B4GALNT1: variants seen among roughly 807,000 people sequenced by gnomAD.
B4GALNT1 encodes beta-1,4 N-acetylgalactosaminyltransferase 1.
Under a neutral mutation model 55.2 loss-of-function variants are expected in B4GALNT1, and 43 were observed. The observed-to-expected ratio is 0.78, with a 90% CI of 0.61 to 1.00. The LOEUF is 1.00. Ranked by LOEUF, B4GALNT1 falls within the 50% of genes least tolerant of loss-of-function variation. B4GALNT1 has a pLI of 0.00. For missense variants in B4GALNT1, 664 were observed against 729.7 expected (o/e 0.91, Z 1.04); for synonymous variants, 305 against 311.6 (o/e 0.98, Z 0.22).
At chr12:57,629,209 T>A in intron 6 of B4GALNT1, 63 bp from the exon 7 acceptor site, 1 of 1,395,610 alleles carries the variant, frequency 7.2e-7, no homozygotes, top group South Asian at 1.4e-5. Flanking sequence ...TTTCAGCCAA[T>A]CAATATTTAA....
intron 1 of B4GALNT1, 66 bp from the exon 2 acceptor site, chr12:57,632,199 TG>T (rs779676632): frequency 7.0e-7 from 1 of 1,420,686 alleles, no homozygotes; most frequent in South Asian, 1.2e-5. Context: ...ATGGGGCCCT[TG>T]GCCCCCGCGT....
chr12:57,629,674 T>C (rs1885070510), intron 6 of B4GALNT1: 1 of 1,111,060 alleles, frequency 9.0e-7, no homozygotes, highest in Admixed American at 3.2e-5. Context: ...TCTGCAAAAA[T>C]CTGGGGAAGA....
intron 4 of B4GALNT1, 68 bp from the exon 5 acceptor site, chr12:57,630,586 C>T (rs1885136780): frequency 1.3e-6 from 2 of 1,502,034 alleles, no homozygotes; most frequent in Non-Finnish European, 1.8e-6. Context: ...TTTTCTCTCC[C>T]TGCTGTCACC....
chr12:57,629,788 C>A (rs1885076123), intron 6 of B4GALNT1: 1 of 1,438,748 alleles, frequency 7.0e-7, no homozygotes, highest in Non-Finnish European at 9.1e-7. Context: ...TTTTAGGCCT[C>A]TTTTGCTGGA....
chr12:57,625,672 A>G lies in B4GALNT1; in HGVS notation c.*1072T>C. Reference sequence around the variant, plus strand: ...GTGAGTGTGCAGGATGCAGCTGCTTATGCCCTGGGGAGCCTGTTAAGGGGC... The same window carrying G: ...GTGAGTGTGCAGGATGCAGCTGCTTGTGCCCTGGGGAGCCTGTTAAGGGGC... On this transcript the variant is annotated 3_prime_UTR_variant, in exon 11 of 11. Coordinates refer to ENST00000341156, the MANE Select transcript of B4GALNT1 (RefSeq NM_001478.5). 1 of 1,584,530 alleles carries G rather than the reference A, an allele frequency of 6.3e-7. No individual in the cohort carries two copies. The highest frequency in any genetic ancestry group is 8.6e-7 in the Non-Finnish European group (1 of 1,165,418).
At position 57,623,666 on chromosome 12, in the gene B4GALNT1, G is replaced by T; in HGVS notation, c.*3078C>A. ...GGGCATTTAATTAATTGGGGGGAGC[G>T]GGAGGGTTAGATGTGAATGGCAGAA... is the stretch of plus-strand genomic sequence containing the variant. On this transcript the variant is annotated 3_prime_UTR_variant, in exon 11 of 11. Transcript: ENST00000341156. 1 of 599,542 alleles carries T rather than the reference G, an allele frequency of 1.7e-6. No individual in the cohort carries two copies. The highest frequency in any genetic ancestry group is 3.0e-5 in the Admixed American group (1 of 33,054). 37.1% of individuals were successfully genotyped at this position (599,542 alleles called of 1,614,324 possible).
Position 57,628,800 on chromosome 12 carries a change from C to G in B4GALNT1, c.915G>C (p.Thr305=). 2 of 1,614,222 alleles carry G rather than the reference C, an allele frequency of 1.2e-6. No homozygotes were observed. Among genetic ancestry groups the G allele is most frequent in the East Asian group, 2.2e-5 (1 of 44,888 alleles). The change falls in exon 8 of 11, where the codon ACG becomes ACC. Residue 305 remains threonine (T), a synonymous_variant. Coordinates refer to ENST00000341156, the MANE Select transcript of B4GALNT1 (RefSeq NM_001478.5). The part of the protein sequence containing the change: ...LITSIRRFYP[T]VTVVIADDSD... ...TGTCGTCAGCGATGACCACGGTAACCGTTGGGTAGAAGCGGCGGATACTGG... is the reference window on the plus strand; with the variant it reads ...TGTCGTCAGCGATGACCACGGTAACGGTTGGGTAGAAGCGGCGGATACTGG...
At position 57,623,543 on chromosome 12, in the gene B4GALNT1, G is replaced by A. The variant is rs1884596374; in HGVS notation, c.*3201C>T. The stretch of plus-strand genomic sequence containing the variant: ...CTGGTGCCCTAAACACATATACCCT[G>A]CTTATAGGGTAACCCAACAGTGGCT... On this transcript the variant is annotated 3_prime_UTR_variant, in exon 11 of 11. Coordinates refer to ENST00000341156, the MANE Select transcript of B4GALNT1 (RefSeq NM_001478.5). 4.0e-6 allele frequency: 2 copies of A among 498,400 alleles called. No homozygotes were observed. Among genetic ancestry groups the A allele is most frequent in the African/African-American group, 3.9e-5 (2 of 51,544 alleles). 30.9% of individuals were successfully genotyped at this position (498,400 alleles called of 1,614,324 possible). A position where few individuals can be genotyped will look rare whatever the true frequency, so the allele number is the denominator to read the frequency against.
Position 57,624,921 on chromosome 12 carries a change from G to C in B4GALNT1, c.*1823C>G. The C allele has an allele frequency of 6.2e-7, 1 of 1,614,152 alleles. No homozygotes were observed. The highest frequency in any genetic ancestry group is 8.5e-7 in the Non-Finnish European group (1 of 1,180,034). On this transcript the variant is annotated 3_prime_UTR_variant, in exon 11 of 11. Coordinates refer to ENST00000341156, the MANE Select transcript of B4GALNT1 (RefSeq NM_001478.5). ...AGCTATCCAACACCACTGTACTTTG[G>C]GACCCGTGGGCAGTTTCGCTGCAAC...
chr12:57,623,755 C>A lies in B4GALNT1; in HGVS notation c.*2989G>T. Reference sequence around the variant, plus strand: ...AGGGAGACTTCCGAGGAAGATTAGGCAGAGTGGGCAGGAAGACCAGCTCTC... The same window carrying A: ...AGGGAGACTTCCGAGGAAGATTAGGAAGAGTGGGCAGGAAGACCAGCTCTC... On this transcript the variant is annotated 3_prime_UTR_variant, in exon 11 of 11. Transcript: ENST00000341156. 1 of 1,204,752 alleles carries A rather than the reference C, an allele frequency of 8.3e-7. No homozygotes were observed. Among genetic ancestry groups the A allele is most frequent in the Non-Finnish European group, 1.2e-6 (1 of 841,240 alleles). The allele number at this position is 1,204,752 out of a possible 1,614,324, so 74.6% of individuals were successfully genotyped here. A position where few individuals can be genotyped will look rare whatever the true frequency, so the allele number is the denominator to read the frequency against.
rs1176660013 is a variant in B4GALNT1 at position 57,626,514 on chromosome 12, A to C, written c.*230T>G. The C allele has an allele frequency of 8.8e-6, 5 of 568,438 alleles. No homozygotes were observed. The highest frequency in any genetic ancestry group is 3.1e-5 in the Admixed American group (1 of 32,312). The allele number at this position is 568,438 out of a possible 1,614,324, so 35.2% of individuals were successfully genotyped here. On this transcript the variant is annotated 3_prime_UTR_variant, in exon 11 of 11. Transcript: ENST00000341156. ...AGAATGGGCAGGGGGAGGACTTGGC[A>C]CTGGCTGTGGGAGAGGTTATGGCTC...
intron 1 of B4GALNT1, 49 bp from the exon 2 acceptor site, chr12:57,632,182 G>C: frequency 1.6e-3 from 2,082 of 1,317,804 alleles, no homozygotes; most frequent in Non-Finnish European, 2.1e-3. Context: ...AGAAGGGAGG[G>C]CAAGGGATGG....
At chr12:57,627,939 C>G (rs1461686584) in intron 9 of B4GALNT1, 81 bp from the exon 10 acceptor site, 2 of 1,472,098 alleles carry the variant, frequency 1.4e-6, no homozygotes, top group Admixed American at 2.3e-5. Context: ...CCGGTGCCTT[C>G]GGGGGTACCC....
At chr12:57,628,455 GT>G in intron 8 of B4GALNT1, 193 bp from the exon 9 acceptor site, 1 of 903,414 alleles carries the variant, frequency 1.1e-6, no homozygotes, top group East Asian at 2.7e-5. Flanking sequence ...CTTAGAATGC[GT>G]TTAATTTCCG....
chr12:57,629,925 A>G, intron 6 of B4GALNT1: 2 of 1,536,130 alleles, frequency 1.3e-6, no homozygotes, highest in South Asian at 2.4e-5. Flanking sequence ...TAAAGGGGAG[A>G]CACACCCAAG....
Position 57,625,419 on chromosome 12 carries a change from C to CAAA in B4GALNT1, c.*1324_*1325insTTT. The stretch of plus-strand genomic sequence containing the variant: ...TGCCCCATCCCTGCAGCTGGCCAGC[C>CAAA]GATGTCGAGATGCTAGGATCCGCCT... On this transcript the variant is annotated 3_prime_UTR_variant, in exon 11 of 11. Coordinates refer to ENST00000341156, the MANE Select transcript of B4GALNT1 (RefSeq NM_001478.5). 1 of 1,614,138 alleles carries CAAA rather than the reference C, an allele frequency of 6.2e-7. No individual in the cohort carries two copies. The highest frequency in any genetic ancestry group is 8.5e-7 in the Non-Finnish European group (1 of 1,180,026).
At position 57,624,484 on chromosome 12, in the gene B4GALNT1, T is replaced by C. The variant is rs1176859033; in HGVS notation, c.*2260A>G. On this transcript the variant is annotated 3_prime_UTR_variant, in exon 11 of 11. Transcript: ENST00000341156. ...GCTTTTCTTTTGGGCAATCCACCCC[T>C]ATCCCTATCCTGCAGGCTGTGTGGA... 2 of 614,852 alleles carry C rather than the reference T, an allele frequency of 3.3e-6. No homozygotes were observed. The highest frequency in any genetic ancestry group is 3.2e-6 in the Non-Finnish European group (1 of 314,940). 38.1% of individuals were successfully genotyped at this position (614,852 alleles called of 1,614,324 possible).
intron 10 of B4GALNT1, 23 bp downstream of exon 10, chr12:57,627,595 G>A: frequency 6.4e-7 from 1 of 1,560,818 alleles, no homozygotes; most frequent in Non-Finnish European, 8.7e-7. Flanking sequence ...TGCCAGGGTC[G>A]ACCGGGAGGG....
chr12:57,629,818 A>G, intron 6 of B4GALNT1: 1 of 1,444,746 alleles, frequency 6.9e-7, no homozygotes, highest in Non-Finnish European at 9.1e-7. Flanking sequence ...GGATCTCAGG[A>G]AAGTAAAGAC....
Sources: allele counts gnomAD v4.1 joint callset, GRCh38; gene constraint gnomAD v4.1.1; transcripts MANE v1.5; gene names NCBI Gene and HGNC (gene_info 2026-07-23, HGNC 2026-07-21).